Variants in AR observed in about 807,000 individuals in gnomAD.
The protein encoded by AR is dihydrotestosterone receptor.
A neutral mutation model predicts 53.9 loss-of-function variants in AR; 8 were observed. The observed-to-expected ratio is 0.15, with a 90% confidence interval of 0.09 to 0.27. The LOEUF (loss-of-function observed/expected upper bound fraction) is 0.27. Among genes scored for constraint, AR ranks in the 10% least tolerant of loss-of-function variants. The pLI, the probability that AR is intolerant of heterozygous loss-of-function variation, is 1.00. For synonymous variants in AR, 359 were observed against 316.4 expected (o/e 1.13, Z -1.43); for missense variants, 639 against 742.5 (o/e 0.86, Z 1.62).
At chrX:67,693,919 C>T (rs759164239) in intron 3 of AR, among the ~76,000 whole-genome samples, 1 of 112,027 alleles carries the variant, frequency 8.9e-6, no homozygotes, top group Non-Finnish European at 1.9e-5. Flanking sequence ...TGTTGAGGGA[C>T]ATTTCAGCCC....
At chrX:67,577,921 T>C (rs1922130399) in intron 1 of AR, among the ~76,000 whole-genome samples, 1 of 111,702 alleles carries the variant, frequency 9.0e-6, no homozygotes, top group Non-Finnish European at 1.9e-5. Flanking sequence ...TAGCAAGCAT[T>C]TGCGTTGTTC....
intron 3 of AR, chrX:67,694,675 A>G (rs1422039440): frequency 4.3e-6 from 5 of 1,154,765 alleles, no homozygotes; most frequent in Non-Finnish European, 5.7e-6. Flanking sequence ...CATACTAGAA[A>G]AATTCCGGGT....
intron 4 of AR, among the ~76,000 whole-genome samples, chrX:67,713,855 A>G (rs941820540): frequency 7.1e-5 from 8 of 111,930 alleles, no homozygotes; most frequent in Non-Finnish European, 1.5e-4. Context: ...TGCCAGACTA[A>G]ATGATTTCTG....
chrX:67,638,191 A>G (rs780569713), intron 1 of AR, among the ~76,000 whole-genome samples: 23 of 111,928 alleles, frequency 2.1e-4, no homozygotes, highest in African/African-American at 7.1e-4. Flanking sequence ...TCCATGGTGT[A>G]TATGTGCCAC....
chrX:67,628,185 T>C (rs1334418454), intron 1 of AR, among the ~76,000 whole-genome samples: 1 of 110,581 alleles, frequency 9.0e-6, no homozygotes, highest in Admixed American at 9.7e-5. Flanking sequence ...AAGTCATCAG[T>C]AGCTTGATGG....
At chrX:67,663,716 G>A (rs916413741) in intron 2 of AR, among the ~76,000 whole-genome samples, 1 of 112,320 alleles carries the variant, frequency 8.9e-6, no homozygotes, top group African/African-American at 3.2e-5. Context: ...ATCCTACAGA[G>A]TGTTTTCCAA....
chrX:67,572,912 C>T (rs1325166013), intron 1 of AR, among the ~76,000 whole-genome samples: 2 of 111,552 alleles, frequency 1.8e-5, no homozygotes, highest in East Asian at 5.6e-4. Context: ...TTATTGCGTA[C>T]ATGTAAAGTG....
At chrX:67,694,844 G>A (rs966021787) in intron 3 of AR, 37 of 1,087,029 alleles carry the variant, frequency 3.4e-5, no homozygotes, top group African/African-American at 1.5e-4. Flanking sequence ...AGACTTTGAC[G>A]TTGGGGTTGG....
chrX:67,550,186 T>G (rs745851431), intron 1 of AR, among the ~76,000 whole-genome samples: 4 of 111,788 alleles, frequency 3.6e-5, no homozygotes, highest in African/African-American at 1.3e-4. Flanking sequence ...CAGCCAAAGA[T>G]TAACACTGGT....
chrX:67,659,297 A>G (rs953041829), intron 2 of AR, among the ~76,000 whole-genome samples: 1 of 109,968 alleles, frequency 9.1e-6, no homozygotes, highest in Non-Finnish European at 1.9e-5. Flanking sequence ...TACATGTGCC[A>G]TGTTGGTGTG....
chrX:67,699,465 C>G (rs1285395370), intron 3 of AR, among the ~76,000 whole-genome samples: 2 of 112,168 alleles, frequency 1.8e-5, no homozygotes, highest in African/African-American at 3.2e-5. Context: ...GAGACTCTTC[C>G]TTGTGTTGAA....
chrX:67,726,238 G>A lies in AR; in HGVS notation c.*2397G>A, dbSNP rs1043605409. On this transcript the variant is annotated 3_prime_UTR_variant, in exon 8 of 8. Transcript: ENST00000374690. Reference sequence around the variant, plus strand: ...CTGACAGGTTCCCTTTTTGGGGTGGGATAGACATGTTCTGGTTTTCTTTAT... The same window carrying A: ...CTGACAGGTTCCCTTTTTGGGGTGGAATAGACATGTTCTGGTTTTCTTTAT... 2.9e-5 allele frequency: 5 copies of A among 173,628 alleles called. No homozygotes were observed. The highest frequency in any genetic ancestry group is 5.5e-5 in the Non-Finnish European group (5 of 91,173). The allele number at this position is 173,628 out of a possible 1,213,427, so 14.3% of individuals were successfully genotyped here.
chrX:67,678,774 G>A (rs1005163358), intron 2 of AR, among the ~76,000 whole-genome samples: 7 of 111,116 alleles, frequency 6.3e-5, no homozygotes, highest in Middle Eastern at 4.6e-3. Context: ...ATCCATCCAT[G>A]GACACTTAGT....
At chrX:67,550,450 G>A (rs760954936) in intron 1 of AR, among the ~76,000 whole-genome samples, 1 of 110,301 alleles carries the variant, frequency 9.1e-6, no homozygotes, top group East Asian at 2.8e-4. Flanking sequence ...TATGCACTGC[G>A]GCTTGTACAC....
At chrX:67,637,760 G>A (rs1056182917) in intron 1 of AR, among the ~76,000 whole-genome samples, 4 of 111,054 alleles carry the variant, frequency 3.6e-5, no homozygotes, top group African/African-American at 6.6e-5. Flanking sequence ...CTCCATTTCC[G>A]TTTCTTAAAG....
At chrX:67,554,592 T>A (rs1372521685) in intron 1 of AR, among the ~76,000 whole-genome samples, 2 of 111,844 alleles carry the variant, frequency 1.8e-5, no homozygotes, top group Non-Finnish European at 3.8e-5. Context: ...AAAGGTTTAG[T>A]TATAATCTAA....
At position 67,545,313 on chromosome X, in the gene AR, T is replaced by TGCAGCAGCA. The variant is rs755686403; in HGVS notation, c.169_170insAGCAGCAGC (p.Leu56_Leu57insGlnGlnGln). Reference sequence around the variant, plus strand: ...GCACCTCCCGGCGCCAGTTTGCTGCTGCTGCAGCAGCAGCAGCAGCAGCAG... The same window carrying TGCAGCAGCA: ...GCACCTCCCGGCGCCAGTTTGCTGCTGCAGCAGCAGCTGCAGCAGCAGCAGCAGCAGCAG... On this transcript the variant is annotated inframe_insertion, in exon 1 of 8. Transcript: ENST00000374690. The TGCAGCAGCA allele has an allele frequency of 1.1e-4, 125 of 1,099,004 alleles. No individual in the cohort carries two copies. The highest frequency in any genetic ancestry group is 1.3e-4 in the Non-Finnish European group (113 of 837,526). 90.6% of individuals were successfully genotyped at this position (1,099,004 alleles called of 1,213,427 possible).
At chrX:67,643,196 C>G (rs2147435415) in intron 1 of AR, 60 bp from the exon 2 acceptor site, 1 of 1,182,765 alleles carries the variant, frequency 8.5e-7, no homozygotes, top group Non-Finnish European at 1.2e-6. Flanking sequence ...CCTGAGACTT[C>G]ACTTGCCTAT....
intron 1 of AR, among the ~76,000 whole-genome samples, chrX:67,641,859 T>TG (rs1463282807): frequency 2.4e-5 from 1 of 42,461 alleles, no homozygotes; most frequent in Non-Finnish European, 7.0e-5. Context: ...TAACCTTTCA[T>TG]GTTTTTTTTT....
Sources: allele counts gnomAD v4.1 joint callset (sites outside exome capture counted in the v4.1 genomes callset), GRCh38; gene constraint gnomAD v4.1.1; transcripts MANE v1.5; gene names NCBI Gene and HGNC (gene_info 2026-07-23, HGNC 2026-07-21).